Variants in CTNNA3 observed in about 807,000 individuals in gnomAD.
CTNNA3 encodes catenin alpha 3.
CTNNA3 carries 76 observed loss-of-function variants against 95.7 expected under a neutral mutation model. The ratio of observed to expected loss-of-function variants is 0.79; its 90% CI spans 0.66 to 0.96. The LOEUF (loss-of-function observed/expected upper bound fraction) is 0.96, where lower values mean the gene tolerates loss of function less well. Ranked by LOEUF, CTNNA3 falls within the 40% of genes least tolerant of loss-of-function variation. The pLI is 0.00. For missense variants in CTNNA3, 1,191 were observed against 1,089.8 expected (o/e 1.09, Z -1.31); for synonymous variants, 431 against 374.4 (o/e 1.15, Z -1.74).
At chr10:66,010,542 A>G (rs574415820) in intron 15 of CTNNA3, among the ~76,000 whole-genome samples, 1 of 152,214 alleles carries the variant, frequency 6.6e-6, no homozygotes, top group Non-Finnish European at 1.5e-5. Context: ...ATTATTTTAG[A>G]AACATGGAAA....
At chr10:66,918,506 G>A (rs1418669324) in intron 7 of CTNNA3, among the ~76,000 whole-genome samples, 1 of 152,076 alleles carries the variant, frequency 6.6e-6, no homozygotes, top group Non-Finnish European at 1.5e-5. Flanking sequence ...ATAGACTCTT[G>A]TTAAACATAT....
At chr10:66,972,669 A>ATAG (rs1554889036) in intron 7 of CTNNA3, among the ~76,000 whole-genome samples, 1 of 149,204 alleles carries the variant, frequency 6.7e-6, no homozygotes, top group Non-Finnish European at 1.5e-5. Context: ...AAAGCTTTAT[A>ATAG]TAGATACAAT....
At chr10:66,125,664 T>A (rs958848695) in intron 13 of CTNNA3, among the ~76,000 whole-genome samples, 1 of 152,164 alleles carries the variant, frequency 6.6e-6, no homozygotes, top group Admixed American at 6.5e-5. Context: ...GTATTCTTCA[T>A]AAATATAAAG....
At chr10:66,128,976 A>C (rs1023517765) in intron 13 of CTNNA3, among the ~76,000 whole-genome samples, 1 of 152,136 alleles carries the variant, frequency 6.6e-6, no homozygotes, top group African/African-American at 2.4e-5. Flanking sequence ...AAACAAAAAA[A>C]AAACTTGGCT....
At chr10:66,333,442 T>A (rs1243503725) in intron 12 of CTNNA3, among the ~76,000 whole-genome samples, 1 of 152,120 alleles carries the variant, frequency 6.6e-6, no homozygotes, top group East Asian at 1.9e-4. Context: ...TTGTTCTCGT[T>A]GGTTTCAAGG....
intron 1 of CTNNA3, among the ~76,000 whole-genome samples, chr10:67,705,687 G>A (rs1465363735): frequency 6.8e-6 from 1 of 146,808 alleles, no homozygotes; most frequent in Admixed American, 6.8e-5. Flanking sequence ...TAAATGACGA[G>A]TTAATGGGTG....
At chr10:66,230,044 A>G (rs2089512230) in intron 13 of CTNNA3, among the ~76,000 whole-genome samples, 1 of 151,430 alleles carries the variant, frequency 6.6e-6, no homozygotes, top group Non-Finnish European at 1.5e-5. Context: ...TATTTCACTT[A>G]TTGAATTTTT....
At chr10:66,615,372 T>A (rs1844474943) in intron 10 of CTNNA3, among the ~76,000 whole-genome samples, 1 of 152,000 alleles carries the variant, frequency 6.6e-6, no homozygotes, top group South Asian at 2.1e-4. Flanking sequence ...AGTCCCCATA[T>A]CACGCTACTG....
chr10:67,280,022 T>C (rs1839335059), intron 5 of CTNNA3, among the ~76,000 whole-genome samples: 1 of 150,428 alleles, frequency 6.6e-6, no homozygotes, highest in Non-Finnish European at 1.5e-5. Context: ...GGCCTTACCA[T>C]AGAAATTGTA....
At chr10:66,384,116 T>C (rs1223540404) in intron 11 of CTNNA3, among the ~76,000 whole-genome samples, 2 of 152,006 alleles carry the variant, frequency 1.3e-5, no homozygotes, top group African/African-American at 2.4e-5. Context: ...TAAGTGCAAA[T>C]GGGCTAAATA....
chr10:67,127,600 T>C (rs1859777189), intron 7 of CTNNA3, among the ~76,000 whole-genome samples: 1 of 152,168 alleles, frequency 6.6e-6, no homozygotes, highest in Admixed American at 6.5e-5. Flanking sequence ...AGACTTCATA[T>C]CACTCCCCAA....
chr10:66,787,592 C>T (rs762024609), intron 7 of CTNNA3, among the ~76,000 whole-genome samples: 10 of 152,054 alleles, frequency 6.6e-5, no homozygotes, highest in Non-Finnish European at 1.3e-4. Context: ...AAGACCTATC[C>T]CCTTGTCTAG....
At chr10:66,643,617 C>T (rs528978555) in intron 9 of CTNNA3, among the ~76,000 whole-genome samples, 31 of 152,236 alleles carry the variant, frequency 2.0e-4, no homozygotes, top group African/African-American at 7.0e-4. Flanking sequence ...CCCATGGTCC[C>T]TTGCTCTATT....
At chr10:66,556,630 CAA>C (rs1281589729) in intron 10 of CTNNA3, among the ~76,000 whole-genome samples, 1 of 151,756 alleles carries the variant, frequency 6.6e-6, no homozygotes, top group Non-Finnish European at 1.5e-5. Context: ...ATACAGAAAG[CAA>C]AATACTGCAT....
intron 12 of CTNNA3, among the ~76,000 whole-genome samples, chr10:66,320,700 T>C (rs2092170864): frequency 6.6e-6 from 1 of 152,160 alleles, no homozygotes; most frequent in African/African-American, 2.4e-5. Context: ...TAATATTCCA[T>C]ATCTTCTAAT....
At chr10:66,685,003 G>A (rs1272324427) in intron 9 of CTNNA3, among the ~76,000 whole-genome samples, 1 of 151,100 alleles carries the variant, frequency 6.6e-6, no homozygotes, top group Non-Finnish European at 1.5e-5. Flanking sequence ...TTCTATCATG[G>A]CTAATAGTTC....
At chr10:67,484,264 G>C (rs1023633273) in intron 5 of CTNNA3, among the ~76,000 whole-genome samples, 1 of 152,192 alleles carries the variant, frequency 6.6e-6, no homozygotes, top group Non-Finnish European at 1.5e-5. Flanking sequence ...CAGCTGACTA[G>C]TCATATGCAG....
intron 7 of CTNNA3, among the ~76,000 whole-genome samples, chr10:66,992,479 G>T (rs1362300621): frequency 1.3e-5 from 2 of 148,400 alleles, no homozygotes; most frequent in African/African-American, 5.0e-5. Flanking sequence ...AAAATTCTTT[G>T]TCAGTTCTAG....
chr10:66,672,258 A>G lies in CTNNA3; in HGVS notation c.1282-50474T>C, dbSNP rs1157040206. 3.9e-5 allele frequency among the ~76,000 whole-genome samples: 6 copies of G among 152,148 alleles called. 1 individual carries two copies. The highest frequency in any genetic ancestry group is 1.4e-4 in the African/African-American group (6 of 41,438). On this transcript the variant is annotated intron_variant, in intron 9 of 17. Coordinates refer to ENST00000433211, the MANE Select transcript of CTNNA3 (RefSeq NM_013266.4). ...ATTCATTTTTTATCAAAAAAAAAAT[A>G]GTGAGTACCTAACAAAGTTATAGGC...
Sources: gnomAD v4.1 joint callset for allele counts (sites outside exome capture counted in the v4.1 genomes callset) on GRCh38, gnomAD v4.1.1 for gene constraint, MANE v1.5 for transcripts, NCBI Gene and HGNC (gene_info 2026-07-23, HGNC 2026-07-21) for gene names.